Variants in MYCT1 observed in about 807,000 individuals in gnomAD.
MYCT1 encodes the protein MYC target 1.
Under a neutral mutation model 15.0 loss-of-function variants are expected in MYCT1, and 12 were observed. That is an observed-to-expected ratio of 0.80 (90% CI 0.51 to 1.29). The LOEUF (loss-of-function observed/expected upper bound fraction) is 1.29, where lower values mean the gene tolerates loss of function less well. Among genes scored for constraint, MYCT1 ranks in the 50% most tolerant of loss-of-function variants. MYCT1 has a pLI of 0.00. For missense variants in MYCT1, 287 were observed against 279.1 expected (o/e 1.03, Z -0.20); for synonymous variants, 104 against 102.7 (o/e 1.01, Z -0.07).
At chr6:152,715,832 T>A (rs1393641664) in intron 1 of MYCT1, among the ~76,000 whole-genome samples, 2 of 151,898 alleles carry the variant, frequency 1.3e-5, no homozygotes, top group Non-Finnish European at 2.9e-5. Context: ...TAAGGAATGG[T>A]GAGGGGGGAA....
chr6:152,728,468 A>G (rs549689597), downstream of MYCT1, among the ~76,000 whole-genome samples: 46 of 152,330 alleles, frequency 3.0e-4, 1 homozygote, highest in African/African-American at 1.1e-3. Flanking sequence ...AAGAGCTCAC[A>G]GGATCAATGG....
chr6:152,730,025 C>A, the MYCT1 span, among the ~76,000 whole-genome samples: 2 of 152,130 alleles, frequency 1.3e-5, no homozygotes, highest in South Asian at 4.1e-4. Context: ...TGTAGATGTG[C>A]CAATCACATT....
chr6:152,713,643 T>C (rs1188091000), intron 1 of MYCT1, among the ~76,000 whole-genome samples: 1 of 152,112 alleles, frequency 6.6e-6, no homozygotes, highest in African/African-American at 2.4e-5. Context: ...TTTTTTTTTC[T>C]CTAGTGCTGT....
chr6:152,722,853 C>G lies in MYCT1; in HGVS notation c.*600C>G. ...TCCCAGGCTCAAGTAATCCTCCCAT[C>G]TTAGTGCCCCAAGTAGCTGGGACTA... is the stretch of plus-strand genomic sequence containing the variant. On this transcript the variant is annotated 3_prime_UTR_variant, in exon 2 of 2. Coordinates refer to ENST00000367245, the MANE Select transcript of MYCT1 (RefSeq NM_025107.3). The G allele has an allele frequency of 3.7e-6, 1 of 272,078 alleles. No homozygotes were observed. The highest frequency in any genetic ancestry group is 3.5e-5 in the South Asian group (1 of 28,778). The allele number at this position is 272,078 out of a possible 1,614,324, so 16.9% of individuals were successfully genotyped here.
At chr6:152,706,876 T>C (rs140546217) in intron 1 of MYCT1, among the ~76,000 whole-genome samples, 112 of 151,504 alleles carry the variant, frequency 7.4e-4, no homozygotes, top group African/African-American at 2.6e-3. Flanking sequence ...TGTGTGTGTA[T>C]GCATATATAT....
At chr6:152,708,146 C>A (rs1037782883) in intron 1 of MYCT1, among the ~76,000 whole-genome samples, 1 of 151,658 alleles carries the variant, frequency 6.6e-6, no homozygotes, top group Non-Finnish European at 1.5e-5. Flanking sequence ...ACTTTTTAGA[C>A]CTTTAATTTA....
At chr6:152,728,726 T>C (rs538632520), downstream of MYCT1, among the ~76,000 whole-genome samples, 12 of 152,040 alleles carry the variant, frequency 7.9e-5, no homozygotes, top group African/African-American at 2.4e-4. Context: ...CAAGACCTCA[T>C]CTCTACTAAA....
chr6:152,730,286 A>C, the MYCT1 span, among the ~76,000 whole-genome samples: 1 of 152,180 alleles, frequency 6.6e-6, no homozygotes, highest in Non-Finnish European at 1.5e-5. Context: ...GGAAAGTCCA[A>C]ATCTGGACCC....
At chr6:152,739,807 C>G in the MYCT1 span, among the ~76,000 whole-genome samples, 31 of 151,814 alleles carry the variant, frequency 2.0e-4, no homozygotes, top group African/African-American at 7.0e-4. Flanking sequence ...ATATTCAATT[C>G]TATGTTTTAA....
chr6:152,741,238 A>C, the MYCT1 span, among the ~76,000 whole-genome samples: 5 of 152,310 alleles, frequency 3.3e-5, no homozygotes, highest in African/African-American at 1.2e-4. Flanking sequence ...CTTTTGAGTG[A>C]AGTGAAGATT....
At chr6:152,701,767 T>C (rs2099721371) in intron 1 of MYCT1, among the ~76,000 whole-genome samples, 2 of 152,224 alleles carry the variant, frequency 1.3e-5, no homozygotes, top group Admixed American at 6.5e-5. Context: ...CTGTGTAATA[T>C]TAGCTAACAG....
intron 1 of MYCT1, among the ~76,000 whole-genome samples, chr6:152,699,912 C>T (rs1583961221): frequency 6.6e-6 from 1 of 152,046 alleles, no homozygotes; most frequent in African/African-American, 2.4e-5. Context: ...AAGCCAAATA[C>T]TAGTTTTTCC....
chr6:152,737,912 C>A, the MYCT1 span, among the ~76,000 whole-genome samples: 1 of 152,068 alleles, frequency 6.6e-6, no homozygotes, highest in African/African-American at 2.4e-5. Context: ...ATTTTCTTCT[C>A]TCAGTTTCTC....
At chr6:152,713,842 C>T (rs545700184) in intron 1 of MYCT1, among the ~76,000 whole-genome samples, 20 of 152,192 alleles carry the variant, frequency 1.3e-4, no homozygotes, top group Non-Finnish European at 2.8e-4. Context: ...TGCAGGTTTT[C>T]GACTGTAGCT....
At chr6:152,702,336 C>G (rs552412984) in intron 1 of MYCT1, among the ~76,000 whole-genome samples, 3 of 152,072 alleles carry the variant, frequency 2.0e-5, no homozygotes, top group African/African-American at 7.2e-5. Context: ...TTTTCTATTT[C>G]GAAATATCCA....
At chr6:152,703,982 T>G in intron 1 of MYCT1, among the ~76,000 whole-genome samples, 1 of 145,296 alleles carries the variant, frequency 6.9e-6, no homozygotes, top group Non-Finnish European at 1.5e-5. Flanking sequence ...TTTATTTTAT[T>G]TTATTTTATT....
At chr6:152,737,382 A>T in the MYCT1 span, among the ~76,000 whole-genome samples, 3 of 151,884 alleles carry the variant, frequency 2.0e-5, no homozygotes, top group South Asian at 6.2e-4. Flanking sequence ...TATATTGTAT[A>T]TTAAGAAAAA....
intron 1 of MYCT1, chr6:152,705,607 T>C (rs1400134812): frequency 6.2e-6 from 1 of 160,792 alleles, no homozygotes; most frequent in Non-Finnish European, 1.3e-5. Context: ...CTTATGATAG[T>C]TCAACTTACA....
chr6:152,715,755 A>G (rs2099723532), intron 1 of MYCT1, among the ~76,000 whole-genome samples: 1 of 152,144 alleles, frequency 6.6e-6, no homozygotes, highest in Non-Finnish European at 1.5e-5. Context: ...AGCTGAGGAA[A>G]TAATTTTAGG....
Sources: gnomAD v4.1 joint callset for allele counts (sites outside exome capture counted in the v4.1 genomes callset) on GRCh38, gnomAD v4.1.1 for gene constraint, MANE v1.5 for transcripts, NCBI Gene and HGNC (gene_info 2026-07-23, HGNC 2026-07-21) for gene names.